Variants in UHRF1 observed in about 807,000 individuals in gnomAD.
UHRF1 encodes the protein ubiquitin like with PHD and ring finger domains 1.
A neutral mutation model predicts 96.5 loss-of-function variants in UHRF1; 9 were observed. That is an observed-to-expected ratio of 0.09 (90% CI 0.06 to 0.16). The LOEUF is 0.16. UHRF1 is among the 10% of genes least tolerant of loss of function. UHRF1 has a pLI of 1.00. For missense variants in UHRF1, 626 were observed against 1,131.1 expected (o/e 0.55, Z 6.40); for synonymous variants, 455 against 469.9 (o/e 0.97, Z 0.41).
At chr19:4,958,001 G>A (rs371935185) in intron 16 of UHRF1, among the ~76,000 whole-genome samples, 45 of 152,336 alleles carry the variant, frequency 3.0e-4, no homozygotes, top group African/African-American at 1.0e-3. Context: ...CTGCAGTCCC[G>A]CAGTCCTCTC....
Position 4,954,227 on chromosome 19 carries a change from T to G in UHRF1, c.1819-123T>G. On this transcript the variant is annotated intron_variant, in intron 13 of 16. Coordinates refer to ENST00000650932, the MANE Select transcript of UHRF1 (RefSeq NM_001048201.3). The surrounding 1 kb of genome is among the most constrained non-coding windows in gnomAD (Gnocchi z 5.9). ...ATAAGGGAGGACTACCCTGTGCTCT[T>G]CAGGGGGATTGGGGGTCAGGTGTGT... is the stretch of plus-strand genomic sequence containing the variant. The G allele has an allele frequency of 7.0e-7, 1 of 1,437,550 alleles. No homozygotes were observed. The highest frequency in any genetic ancestry group is 9.4e-7 in the Non-Finnish European group (1 of 1,061,516). 89.0% of individuals were successfully genotyped at this position (1,437,550 alleles called of 1,614,324 possible).
intron 2 of UHRF1, among the ~76,000 whole-genome samples, chr19:4,928,821 C>T (rs2032953721): frequency 6.6e-6 from 1 of 152,142 alleles, no homozygotes; most frequent in Admixed American, 6.6e-5. Context: ...GCCCAGCGTC[C>T]CCCGGGGTCT....
intron 5 of UHRF1, among the ~76,000 whole-genome samples, chr19:4,938,290 G>A (rs1361996743): frequency 6.6e-6 from 1 of 152,100 alleles, no homozygotes; most frequent in Non-Finnish European, 1.5e-5. Flanking sequence ...TGTTTGAGCT[G>A]ACATACTTTC....
In UHRF1 at chr19:4,929,461, A is replaced by C. The variant is rs2123731; in HGVS notation, c.393A>C (p.Glu131Asp). The change falls in exon 3 of 17, where the codon GAA (glutamate) becomes GAC (aspartate). Residue 131 changes from glutamate to aspartate, a missense_variant. Transcript: ENST00000650932. ...ATGAGGACATGTGGGATGAGACGGAATTGGGGCTGTACAAGGTGAGCCTCC... is the reference window on the plus strand; with the variant it reads ...ATGAGGACATGTGGGATGAGACGGACTTGGGGCTGTACAAGGTGAGCCTCC... ...PADEDMWDET[E>D]LGLYKVNEYV... 9.9e-6 allele frequency: 16 copies of C among 1,613,000 alleles called. No homozygotes were observed. Among genetic ancestry groups the C allele is most frequent in the Non-Finnish European group, 1.4e-5 (16 of 1,179,570 alleles).
chr19:4,903,972 G>A (rs7253901), intron 1 of UHRF1, among the ~76,000 whole-genome samples: 15,677 of 151,876 alleles, frequency 0.1, 946 homozygotes, highest in Middle Eastern at 0.18. Context: ...CTCCCTGCAT[G>A]ATTGACATTT....
chr19:4,957,469 C>T (rs1053495054), intron 16 of UHRF1, among the ~76,000 whole-genome samples: 1 of 151,944 alleles, frequency 6.6e-6, no homozygotes, highest in Non-Finnish European at 1.5e-5. Context: ...CCACCGTGCC[C>T]GGCTAATTTT....
At chr19:4,947,701 A>G (rs1289553263) in intron 11 of UHRF1, among the ~76,000 whole-genome samples, 1 of 151,434 alleles carries the variant, frequency 6.6e-6, no homozygotes, top group East Asian at 2.0e-4. Flanking sequence ...GGGTTTTGCC[A>G]TGTTGGCCAG....
At chr19:4,903,131 A>G in exon 1 of UHRF1, 1 of 344,506 alleles carries the variant, frequency 2.9e-6, no homozygotes, top group Non-Finnish European at 5.6e-6. Flanking sequence ...GGTTCAAGCA[A>G]TTCTCCTGCC....
intron 4 of UHRF1, among the ~76,000 whole-genome samples, chr19:4,931,554 G>A (rs544580762): frequency 3.0e-4 from 46 of 151,898 alleles, no homozygotes; most frequent in Non-Finnish European, 5.6e-4. Context: ...TGCAACCTCC[G>A]CCTCCCAGGT....
Position 4,909,541 on chromosome 19 carries a change from G to T in UHRF1, c.-125G>T, listed in dbSNP as rs1190297195. ...GCGGCGGGCAGCGTTTGCCGAGCGGGCGCTCCGGGTCGCACGCAAGTCCGC... is the reference window on the plus strand; with the variant it reads ...GCGGCGGGCAGCGTTTGCCGAGCGGTCGCTCCGGGTCGCACGCAAGTCCGC... On this transcript the variant is annotated 5_prime_UTR_variant, in exon 1 of 17. Transcript: ENST00000650932. 1.5e-6 allele frequency: 1 copy of T among 659,840 alleles called. No homozygotes were observed. Among genetic ancestry groups the T allele is most frequent in the African/African-American group, 1.9e-5 (1 of 52,620 alleles). 40.9% of individuals were successfully genotyped at this position (659,840 alleles called of 1,614,324 possible). A position where few individuals can be genotyped will look rare whatever the true frequency, so the allele number is the denominator to read the frequency against.
At chr19:4,935,235 T>G (rs1165959991) in intron 5 of UHRF1, among the ~76,000 whole-genome samples, 1 of 152,144 alleles carries the variant, frequency 6.6e-6, no homozygotes, top group Admixed American at 6.6e-5. Context: ...CTCAAAGTGC[T>G]GGGATTACAG....
chr19:4,932,945 C>A lies in UHRF1; in HGVS notation c.774C>A (p.Asn258Lys). 1 of 1,611,744 alleles carries A rather than the reference C, an allele frequency of 6.2e-7. No individual in the cohort carries two copies. The highest frequency in any genetic ancestry group is 1.1e-5 in the South Asian group (1 of 90,878). Residue 258 changes from asparagine to lysine, a missense_variant, in exon 5 of 17, where the codon AAC becomes AAA. Physicochemically the swap from Asn to Lys is moderately conservative, Grantham distance 94. Transcript: ENST00000650932. ...GGACGGCGCGGGAACTCTACGCCAA[C>A]GTGGTGCTGGGGTGAGCCTCGCGTC... ...ETRTARELYA[N>K]VVLGDDSLND...
Position 4,932,896 on chromosome 19 carries a change from A to C in UHRF1, c.725A>C (p.Glu242Ala). The C allele has an allele frequency of 1.2e-6, 2 of 1,613,776 alleles. No individual in the cohort carries two copies. The highest frequency in any genetic ancestry group is 1.7e-6 in the Non-Finnish European group (2 of 1,179,866). ...GAGCGGGGCTTCTGGTACGACGCGG[A>C]GATCTCCAGGAAGCGCGAGACCAGG... ...PKERGFWYDA[E>A]ISRKRETRTA... is the part of the protein sequence containing the mutation. The change falls in exon 5 of 17, where the codon GAG becomes GCG. Residue 242 changes from glutamate to alanine, a missense_variant. Around this residue, in one of 11 missense-constraint regions of UHRF1, gnomAD observed 198 missense variants for 235.1 expected, o/e 0.84. Coordinates refer to ENST00000650932, the MANE Select transcript of UHRF1 (RefSeq NM_001048201.3).
At chr19:4,933,181 T>C (rs1433997982) in intron 5 of UHRF1, among the ~76,000 whole-genome samples, 1 of 152,218 alleles carries the variant, frequency 6.6e-6, no homozygotes, top group Non-Finnish European at 1.5e-5. Flanking sequence ...GGGAACTGTC[T>C]CTGACCCCCA....
At chr19:4,946,523 G>C (rs1265597093) in intron 10 of UHRF1, among the ~76,000 whole-genome samples, 1 of 151,860 alleles carries the variant, frequency 6.6e-6, no homozygotes, top group African/African-American at 2.4e-5. Context: ...CATTCTTTTG[G>C]GTGTATATCC....
intron 5 of UHRF1, among the ~76,000 whole-genome samples, chr19:4,937,417 G>A (rs189662838): frequency 2.6e-5 from 4 of 151,710 alleles, no homozygotes. Context: ...GCTGGAGTGC[G>A]GTGATGTGAT....
At chr19:4,906,176 A>G (rs947420792), upstream of UHRF1, among the ~76,000 whole-genome samples, 1 of 152,086 alleles carries the variant, frequency 6.6e-6, no homozygotes, top group Non-Finnish European at 1.5e-5. Context: ...AAGGGTTCTC[A>G]CTACGTTGCC....
At position 4,911,049 on chromosome 19, in the gene UHRF1, C is replaced by A; in HGVS notation, c.153+11C>A. ...TACAGGGGCAAACAGGTACACCCGC[C>A]GCCAGCACCTTTGTTCTATGCCTGG... On this transcript the variant is annotated intron_variant, in intron 2 of 16. Coordinates refer to ENST00000650932, the MANE Select transcript of UHRF1 (RefSeq NM_001048201.3). The A allele has an allele frequency of 3.8e-6, 6 of 1,571,430 alleles. No individual in the cohort carries two copies. The highest frequency in any genetic ancestry group is 5.2e-6 in the Non-Finnish European group (6 of 1,154,990).
chr19:4,923,222 C>G (rs1240796987), intron 2 of UHRF1, among the ~76,000 whole-genome samples: 1 of 152,174 alleles, frequency 6.6e-6, no homozygotes, highest in African/African-American at 2.4e-5. Flanking sequence ...CCGACTTGTC[C>G]TCTGTCTGAG....
Sources: allele counts gnomAD v4.1 joint callset (sites outside exome capture counted in the v4.1 genomes callset), GRCh38; gene constraint gnomAD v4.1.1; regional missense constraint gnomAD v4.1.1; non-coding constraint Gnocchi (gnomAD v3.1); transcripts MANE v1.5; gene names NCBI Gene and HGNC (gene_info 2026-07-23, HGNC 2026-07-21).